Variants in DAB1 observed in about 807,000 individuals in gnomAD.
DAB1 encodes the protein disabled homolog 1.
Under a neutral mutation model 64.6 loss-of-function variants are expected in DAB1, and 15 were observed. The observed-to-expected ratio is 0.23, with a 90% CI of 0.16 to 0.36. The LOEUF is 0.36. Ranked by LOEUF, DAB1 falls within the 10% of genes least tolerant of loss-of-function variation. The pLI, the probability that DAB1 is intolerant of heterozygous loss-of-function variation, is 1.00. For synonymous variants in DAB1, 235 were observed against 251.9 expected (o/e 0.93, Z 0.64); for missense variants, 596 against 706.7 (o/e 0.84, Z 1.78).
intron 4 of DAB1, among the ~76,000 whole-genome samples, chr1:57,126,005 G>C (rs925040042): frequency 3.3e-5 from 5 of 152,256 alleles, no homozygotes; most frequent in African/African-American, 9.6e-5. Flanking sequence ...GAGATACAAG[G>C]ATGACCAAAT....
chr1:57,297,443 A>G (rs1430748113), intron 1 of DAB1, among the ~76,000 whole-genome samples: 1 of 152,158 alleles, frequency 6.6e-6, no homozygotes, highest in African/African-American at 2.4e-5. Context: ...AAGGGCCAAG[A>G]TATGTGCACC....
chr1:57,921,875 G>T (rs1441442244), intron 5 of DAB1, among the ~76,000 whole-genome samples: 2 of 152,192 alleles, frequency 1.3e-5, no homozygotes, highest in South Asian at 4.2e-4. Flanking sequence ...CCATCCCCTT[G>T]AACCCATCTC....
Position 58,509,545 on chromosome 1 carries a change from A to AG in DAB1, n.108-3337_108-3336insC, listed in dbSNP as rs1246046329. 7.3e-5 allele frequency among the ~76,000 whole-genome samples: 11 copies of AG among 151,648 alleles called. No individual in the cohort carries two copies. The South Asian group carries it at 1.9e-3, about 26-fold the overall frequency. ...TGATAAACACCTACATTAAAAAAAA[A>AG]AAGAAGAAAGCAAGCAAATAAACTA... is the stretch of plus-strand genomic sequence containing the variant. On this transcript the variant is annotated intron_variant and non_coding_transcript_variant, in intron 2 of 20. Transcript: ENST00000485760.
chr1:58,024,078 G>A (rs373520265), intron 5 of DAB1, among the ~76,000 whole-genome samples: 18 of 152,246 alleles, frequency 1.2e-4, no homozygotes, highest in Middle Eastern at 3.4e-3. Flanking sequence ...CAGCTCTCTC[G>A]TAATTATGTT....
intron 4 of DAB1, among the ~76,000 whole-genome samples, chr1:58,250,476 TAGC>T (rs748125929): frequency 6.6e-6 from 1 of 152,128 alleles, no homozygotes. Flanking sequence ...ACAGCAGCAG[TAGC>T]AGCAGCAGCA....
chr1:58,304,252 A>G (rs913784078), intron 4 of DAB1, among the ~76,000 whole-genome samples: 4 of 152,132 alleles, frequency 2.6e-5, no homozygotes, highest in African/African-American at 9.7e-5. Flanking sequence ...ATTTCCACTC[A>G]CTGGTCATGG....
intron 4 of DAB1, among the ~76,000 whole-genome samples, chr1:57,072,908 G>A (rs893335051): frequency 6.6e-6 from 1 of 152,204 alleles, no homozygotes; most frequent in African/African-American, 2.4e-5. Context: ...AGAGTGTGTT[G>A]AGGAATAAAT....
intron 6 of DAB1, among the ~76,000 whole-genome samples, chr1:57,812,403 A>C (rs1651672879): frequency 6.6e-6 from 1 of 151,988 alleles, no homozygotes; most frequent in South Asian, 2.1e-4. Context: ...AGAAGGGGCC[A>C]CAGACCACTT....
intron 5 of DAB1, among the ~76,000 whole-genome samples, chr1:58,062,169 C>A (rs1042406623): frequency 4.6e-5 from 7 of 152,160 alleles, no homozygotes; most frequent in African/African-American, 9.7e-5. Context: ...ATAACACTCG[C>A]AGTTTGTCTT....
intron 2 of DAB1, among the ~76,000 whole-genome samples, chr1:57,224,871 C>A (rs1280713224): frequency 6.6e-6 from 1 of 152,170 alleles, no homozygotes; most frequent in Non-Finnish European, 1.5e-5. Flanking sequence ...TTCAGCCAGG[C>A]CCCCAGACCT....
chr1:57,788,998 C>G (rs776085835), intron 6 of DAB1, among the ~76,000 whole-genome samples: 2 of 152,140 alleles, frequency 1.3e-5, no homozygotes, highest in South Asian at 4.1e-4. Context: ...CAACTCCCCC[C>G]ACCCTTCGCT....
chr1:57,652,801 T>C (rs1646272196), intron 6 of DAB1, among the ~76,000 whole-genome samples: 1 of 152,196 alleles, frequency 6.6e-6, no homozygotes, highest in Non-Finnish European at 1.5e-5. Flanking sequence ...TAAGAGAAAA[T>C]TGATGCTCAC....
At chr1:57,931,908 TC>T (rs1360247900) in intron 5 of DAB1, among the ~76,000 whole-genome samples, 1 of 152,118 alleles carries the variant, frequency 6.6e-6, no homozygotes, top group Admixed American at 6.5e-5. Flanking sequence ...TAATTTTATT[TC>T]CCTTTTCTGT....
At chr1:58,529,676 A>G (rs983428412) in intron 1 of DAB1, among the ~76,000 whole-genome samples, 10 of 152,186 alleles carry the variant, frequency 6.6e-5, no homozygotes, top group African/African-American at 2.4e-4. Context: ...GGCTCTCTAT[A>G]TCTGTGGATT....
chr1:58,485,905 G>T (rs1374627383), intron 3 of DAB1, among the ~76,000 whole-genome samples: 5 of 152,108 alleles, frequency 3.3e-5, no homozygotes, highest in African/African-American at 1.2e-4. Flanking sequence ...AATACTCTTA[G>T]GAGTTTATGG....
At chr1:58,133,634 T>C (rs1485834149) in intron 5 of DAB1, among the ~76,000 whole-genome samples, 1 of 152,236 alleles carries the variant, frequency 6.6e-6, no homozygotes, top group African/African-American at 2.4e-5. Flanking sequence ...TGATCTCTTT[T>C]AGTTGTTCAG....
intron 7 of DAB1, among the ~76,000 whole-genome samples, chr1:57,565,346 T>C (rs1272967360): frequency 6.6e-6 from 1 of 152,174 alleles, no homozygotes; most frequent in Non-Finnish European, 1.5e-5. Context: ...CCATTGATGC[T>C]AGGAAGAAAC....
intron 2 of DAB1, among the ~76,000 whole-genome samples, chr1:57,247,216 G>A (rs942196931): frequency 6.6e-6 from 1 of 152,142 alleles, no homozygotes; most frequent in Non-Finnish European, 1.5e-5. Flanking sequence ...ATCGTCACAC[G>A]TCAGGAGAGG....
intron 1 of DAB1, among the ~76,000 whole-genome samples, chr1:57,404,101 T>TA (rs922613049): frequency 3.3e-5 from 5 of 150,954 alleles, no homozygotes; most frequent in Admixed American, 6.6e-5. Context: ...AGCATTATGT[T>TA]AAAAAAAAAT....
Sources: gnomAD v4.1 joint callset for allele counts (sites outside exome capture counted in the v4.1 genomes callset) on GRCh38, gnomAD v4.1.1 for gene constraint, MANE v1.5 for transcripts, NCBI Gene and HGNC (gene_info 2026-07-23, HGNC 2026-07-21) for gene names.